The following TMEM63C variants were observed in gnomAD, a reference collection of about 807,000 sequenced individuals.
The protein encoded by TMEM63C is transmembrane protein 63C.
A neutral mutation model predicts 99.2 loss-of-function variants in TMEM63C; 32 were observed. That is an observed-to-expected ratio of 0.32 (90% CI 0.24 to 0.43). The LOEUF (loss-of-function observed/expected upper bound fraction) is 0.43, where lower values mean the gene tolerates loss of function less well. TMEM63C is among the 20% of genes least tolerant of loss of function. The pLI, the probability that TMEM63C is intolerant of heterozygous loss-of-function variation, is 1.00. For missense variants in TMEM63C, 826 were observed against 1,053.0 expected, an observed-to-expected ratio of 0.78 and a Z score of 2.98; for synonymous variants, 376 against 397.9, an observed-to-expected ratio of 0.94 and a Z score of 0.66.
At chr14:77,250,152 A>G (rs1254029253) in intron 21 of TMEM63C, among the ~76,000 whole-genome samples, 1 of 152,200 alleles carries the variant, frequency 6.6e-6, no homozygotes, top group Non-Finnish European at 1.5e-5. Flanking sequence ...GCCTGGCTTT[A>G]TGGGTTGCCA....
At chr14:77,256,108 A>G (rs7144159) in intron 23 of TMEM63C, among the ~76,000 whole-genome samples, 7,637 of 152,286 alleles carry the variant, frequency 0.05, 449 homozygotes, top group African/African-American at 0.15. Context: ...GGACAGGCCA[A>G]ACCAGTGACA....
chr14:77,219,682 G>T (rs1432616961), intron 4 of TMEM63C, 105 bp downstream of exon 4: 2 of 1,221,074 alleles, frequency 1.6e-6, no homozygotes, highest in Non-Finnish European at 2.4e-6. Flanking sequence ...CAGGTGTCTC[G>T]CCAGCAAGTG....
At chr14:77,240,931 CTTT>C (rs575279817) in intron 13 of TMEM63C, among the ~76,000 whole-genome samples, 29,464 of 128,100 alleles carry the variant, frequency 0.23, 3,671 homozygotes, top group Middle Eastern at 0.35. Flanking sequence ...TTCCCTTTTT[CTTT>C]TTTTTTTTTT....
At position 77,242,383 on chromosome 14, in the gene TMEM63C, G is replaced by A. The variant is rs1349460445; in HGVS notation, c.1101G>A (p.Val367=). 2 of 1,613,254 alleles carry A rather than the reference G, an allele frequency of 1.2e-6. No homozygotes were observed. The highest frequency in any genetic ancestry group is 8.5e-7 in the Non-Finnish European group (1 of 1,179,696). ...ATTACAAGTATGTCCAGTGTGGTGT[G>A]CAACCCCAGCAGTCCTCAGTGACCA... is the stretch of plus-strand genomic sequence containing the variant. The part of the protein sequence containing the change: ...RKDYKYVQCG[V]QPQQSSVTTI... Residue 367 remains valine (V), a synonymous_variant, in exon 14 of 24, where the codon GTG becomes GTA. Coordinates refer to ENST00000298351, the MANE Select transcript of TMEM63C (RefSeq NM_020431.4).
At position 77,220,200 on chromosome 14, in the gene TMEM63C, C is replaced by T. The variant is rs1350812765; in HGVS notation, c.312+113C>T. The T allele has an allele frequency of 8.0e-6, 8 of 1,005,134 alleles. No individual in the cohort carries two copies. In the African/African-American group the frequency reaches 1.1e-4, roughly 14 times the overall value. 62.3% of individuals were successfully genotyped at this position (1,005,134 alleles called of 1,614,324 possible). On this transcript the variant is annotated intron_variant, in intron 5 of 23. Transcript: ENST00000298351. ...TTGGGGCTTTGTAATCAGCCAGCCT[C>T]AACCACTCTGGCAGTGTGACCTTGA...
At chr14:77,201,783 G>A (rs1888304399) in intron 1 of TMEM63C, among the ~76,000 whole-genome samples, 1 of 152,218 alleles carries the variant, frequency 6.6e-6, no homozygotes, top group African/African-American at 2.4e-5. Context: ...GAAGTAGAGT[G>A]TCTCTGGGAG....
intron 5 of TMEM63C, among the ~76,000 whole-genome samples, chr14:77,220,957 T>C (rs1475390542): frequency 0.016 from 88 of 5,368 alleles, 23 homozygotes; most frequent in South Asian, 0.034. Flanking sequence ...CACTCTCGCC[T>C]CCCCTCCCAC....
At chr14:77,200,983 T>TA (rs2140097057) in intron 1 of TMEM63C, 1 of 142,156 alleles carries the variant, frequency 7.0e-6, no homozygotes, top group South Asian at 2.1e-4. Context: ...GTTTGTCTTT[T>TA]TTTTTTTTTT....
intron 14 of TMEM63C, 92 bp downstream of exon 14, chr14:77,242,561 C>T: frequency 1.3e-6 from 2 of 1,499,452 alleles, no homozygotes; most frequent in Non-Finnish European, 9.1e-7. Flanking sequence ...TGTCATTGCC[C>T]AACAGAGACT....
intron 6 of TMEM63C, among the ~76,000 whole-genome samples, chr14:77,229,613 A>AATATATATATATATATAT (rs149146698): frequency 1.1e-4 from 13 of 117,992 alleles, no homozygotes; most frequent in South Asian, 3.1e-4. Context: ...ACACCCAGCT[A>AATATATATATATATATAT]ATATATATAT....
chr14:77,183,018 A>G (rs570772040), intron 1 of TMEM63C, among the ~76,000 whole-genome samples: 1 of 152,266 alleles, frequency 6.6e-6, no homozygotes, highest in East Asian at 1.9e-4. Flanking sequence ...CCTGGGAGAA[A>G]TGGGCTACAT....
At chr14:77,217,838 A>G (rs1042052433) in intron 2 of TMEM63C, among the ~76,000 whole-genome samples, 18 of 152,220 alleles carry the variant, frequency 1.2e-4, no homozygotes, top group Non-Finnish European at 4.4e-5. Context: ...CAGGCATAGA[A>G]ATAACAAACT....
chr14:77,210,947 T>C (rs953040053), intron 1 of TMEM63C, among the ~76,000 whole-genome samples: 1 of 152,190 alleles, frequency 6.6e-6, no homozygotes, highest in Non-Finnish European at 1.5e-5. Flanking sequence ...CTTGTGGCTA[T>C]AGTGATTCTC....
intron 15 of TMEM63C, among the ~76,000 whole-genome samples, chr14:77,243,536 A>G (rs1167905664): frequency 6.6e-6 from 1 of 152,046 alleles, no homozygotes; most frequent in African/African-American, 2.4e-5. Context: ...GGAGCTCAAG[A>G]TCTGCCTCCA....
intron 8 of TMEM63C, among the ~76,000 whole-genome samples, chr14:77,235,213 C>CTGAG (rs916517745): frequency 1.1e-4 from 16 of 151,572 alleles, no homozygotes; most frequent in African/African-American, 2.2e-4. Context: ...TCCAAGGCAC[C>CTGAG]TGAGTGTCTG....
At chr14:77,235,291 A>T (rs414513) in intron 8 of TMEM63C, among the ~76,000 whole-genome samples, 9,727 of 149,462 alleles carry the variant, frequency 0.065, 400 homozygotes, top group Admixed American at 0.11. Flanking sequence ...GGAGATTGTG[A>T]TCGGTGGGAG....
chr14:77,253,682 C>T (rs978736141), intron 23 of TMEM63C, among the ~76,000 whole-genome samples: 1 of 152,234 alleles, frequency 6.6e-6, no homozygotes, highest in Non-Finnish European at 1.5e-5. Flanking sequence ...CATGTAGACG[C>T]AGGGGGGCCT....
At chr14:77,195,509 C>T (rs1272223839) in intron 1 of TMEM63C, among the ~76,000 whole-genome samples, 3 of 152,192 alleles carry the variant, frequency 2.0e-5, no homozygotes, top group Non-Finnish European at 4.4e-5. Flanking sequence ...AAACACCCTC[C>T]TGGAGATTCA....
At chr14:77,239,297 G>C (rs1889114222) in intron 10 of TMEM63C, 115 bp from the exon 11 acceptor site, 1 of 993,212 alleles carries the variant, frequency 1.0e-6, no homozygotes, top group Admixed American at 2.0e-5. Flanking sequence ...ATCCCATCCA[G>C]GAACACCAGG....
Sources: gnomAD v4.1 joint callset for allele counts (sites outside exome capture counted in the v4.1 genomes callset) on GRCh38, gnomAD v4.1.1 for gene constraint, MANE v1.5 for transcripts, NCBI Gene and HGNC (gene_info 2026-07-23, HGNC 2026-07-21) for gene names.